The following PIN4 variants were observed in gnomAD, a reference collection of about 807,000 sequenced individuals.
PIN4 encodes peptidyl-prolyl cis-trans isomerase NIMA-interacting 4.
PIN4 carries 3 observed loss-of-function variants against 8.3 expected under a neutral mutation model. The observed-to-expected ratio is 0.36, with a 90% CI of 0.16 to 0.93. The LOEUF is 0.93. PIN4 is among the 40% of genes least tolerant of loss of function. The probability of loss-of-function intolerance (pLI) is 0.44; values close to 1 mark genes in which losing one functional copy is unlikely to be tolerated. For synonymous variants in PIN4, 18 were observed against 32.5 expected, an observed-to-expected ratio of 0.55 and a Z score of 1.52; for missense variants, 75 against 100.6, an observed-to-expected ratio of 0.75 and a Z score of 1.09.
At chrX:72,226,533 C>T (rs929429645) in intron 3 of PIN4, among the ~76,000 whole-genome samples, 60 of 112,206 alleles carry the variant, frequency 5.3e-4, no homozygotes, top group African/African-American at 1.5e-3. Flanking sequence ...GGCTATGTCA[C>T]GGCTAAGGGA....
At chrX:72,232,927 A>AC (rs1199442366) in intron 3 of PIN4, among the ~76,000 whole-genome samples, 1 of 109,797 alleles carries the variant, frequency 9.1e-6, no homozygotes, top group Non-Finnish European at 1.9e-5. Flanking sequence ...ACATAGGGAG[A>AC]CCCCATCTCT....
Position 72,198,007 on chromosome X carries a change from T to C in PIN4, c.*481T>C. ...CCAGGACAGGTGGTATTAGCTCCAC[T>C]GTCTTAACATAGTACGTGGCACGTT... is the stretch of plus-strand genomic sequence containing the variant. On this transcript the variant is annotated 3_prime_UTR_variant, in exon 4 of 4. Transcript: ENST00000373669. 1.3e-6 allele frequency: 1 copy of C among 747,190 alleles called. No homozygotes were observed. Among genetic ancestry groups the C allele is most frequent in the Non-Finnish European group, 1.6e-6 (1 of 631,685 alleles). 61.6% of individuals were successfully genotyped at this position (747,190 alleles called of 1,213,427 possible). A position where few individuals can be genotyped will look rare whatever the true frequency, so the allele number is the denominator to read the frequency against.
intron 3 of PIN4, among the ~76,000 whole-genome samples, chrX:72,254,171 C>T (rs1471684200): frequency 1.8e-5 from 2 of 111,370 alleles, no homozygotes; most frequent in Non-Finnish European, 3.8e-5. Context: ...CAAATCTCAC[C>T]CTTTTTCTTC....
At chrX:72,251,797 T>C (rs2043088598) in intron 3 of PIN4, among the ~76,000 whole-genome samples, 1 of 110,649 alleles carries the variant, frequency 9.0e-6, no homozygotes, top group East Asian at 2.8e-4. Flanking sequence ...CTCATGCCTG[T>C]AATCTCAGCA....
chrX:72,217,581 T>G (rs2042893456), intron 3 of PIN4, among the ~76,000 whole-genome samples: 1 of 112,008 alleles, frequency 8.9e-6, no homozygotes, highest in African/African-American at 3.2e-5. Context: ...TTTTATACAT[T>G]TTATTTATGC....
At chrX:72,257,176 C>T (rs1023150780) in intron 3 of PIN4, among the ~76,000 whole-genome samples, 1 of 111,093 alleles carries the variant, frequency 9.0e-6, no homozygotes, top group Non-Finnish European at 1.9e-5. Flanking sequence ...AAAAAATTAG[C>T]CGGGCGTGGT....
chrX:72,203,953 ATG>A (rs61156944), intron 3 of PIN4, among the ~76,000 whole-genome samples: 2,701 of 112,044 alleles, frequency 0.024, 92 homozygotes, highest in African/African-American at 0.083. Context: ...CTGTGATAAT[ATG>A]TGTCAGAATA....
At chrX:72,209,872 G>C (rs983853281) in intron 3 of PIN4, among the ~76,000 whole-genome samples, 2 of 111,223 alleles carry the variant, frequency 1.8e-5, no homozygotes, top group African/African-American at 6.5e-5. Context: ...TTTTCAACTG[G>C]ATATCCATGT....
intron 3 of PIN4, among the ~76,000 whole-genome samples, chrX:72,238,676 G>A (rs1362842254): frequency 8.9e-6 from 1 of 112,777 alleles, no homozygotes; most frequent in Admixed American, 9.3e-5. Context: ...TAGAAATCTG[G>A]TCAAACATCC....
chrX:72,210,783 C>T (rs1374540141), intron 3 of PIN4, among the ~76,000 whole-genome samples: 7 of 111,747 alleles, frequency 6.3e-5, no homozygotes, highest in East Asian at 5.6e-4. Flanking sequence ...TGAACCACAA[C>T]GAGAGTTTAC....
In PIN4 at chrX:72,197,445, G is replaced by A; in HGVS notation, c.315G>A (p.Gly105=). The A allele has an allele frequency of 8.3e-7, 1 of 1,207,307 alleles. No individual in the cohort carries two copies. The highest frequency in any genetic ancestry group is 1.1e-6 in the Non-Finnish European group (1 of 891,572). ...CAGCATTTGCCTTGCCTGTAAGTGG[G>A]ATGGATAAGCCTGTGTTTACAGACC... ...QEAAFALPVS[G]MDKPVFTDPP... is the part of the protein sequence containing the mutation. Residue 105 remains glycine, a synonymous_variant, in exon 4 of 4, where the codon GGG becomes GGA. Transcript: ENST00000373669.
At chrX:72,262,604 T>C in intron 3 of PIN4, 1 of 476,476 alleles carries the variant, frequency 2.1e-6, no homozygotes. Flanking sequence ...GCTCAACTCT[T>C]GTCAAGACCC....
At chrX:72,217,149 T>G (rs910763939) in intron 3 of PIN4, among the ~76,000 whole-genome samples, 4 of 111,986 alleles carry the variant, frequency 3.6e-5, no homozygotes, top group Non-Finnish European at 5.6e-5. Context: ...GGAGGATGCT[T>G]CCTTCCTGTT....
In PIN4 at chrX:72,197,944, GACA is replaced by G. The variant is rs1221234465; in HGVS notation, c.*422_*424del. 5.3e-6 allele frequency: 4 copies of G among 754,610 alleles called. No individual in the cohort carries two copies. Among genetic ancestry groups the G allele is most frequent in the Non-Finnish European group, 6.3e-6 (4 of 638,284 alleles). The allele number at this position is 754,610 out of a possible 1,213,427, so 62.2% of individuals were successfully genotyped here. A position where few individuals can be genotyped will look rare whatever the true frequency, so the allele number is the denominator to read the frequency against. The stretch of plus-strand genomic sequence containing the variant: ...GTGAGAATCATAAAATAAGTTCCTA[GACA>G]ACATTTGTTTTACATGTTAGTCAAC... On this transcript the variant is annotated 3_prime_UTR_variant, in exon 4 of 4. Coordinates refer to ENST00000373669, the MANE Select transcript of PIN4 (RefSeq NM_006223.4).
intron 3 of PIN4, among the ~76,000 whole-genome samples, chrX:72,250,835 G>A (rs1374226082): frequency 9.6e-6 from 1 of 104,384 alleles, no homozygotes; most frequent in Non-Finnish European, 2.0e-5. Flanking sequence ...CACCTCCAGG[G>A]TTCAAGCAAT....
intron 3 of PIN4, among the ~76,000 whole-genome samples, chrX:72,250,149 C>T (rs749572576): frequency 3.0e-4 from 33 of 109,248 alleles, no homozygotes; most frequent in Admixed American, 5.0e-4. Context: ...CAGAGGTAGG[C>T]AAGTGGGGAT....
At chrX:72,239,063 A>T (rs968216829) in intron 3 of PIN4, 11 of 543,758 alleles carry the variant, frequency 2.0e-5, no homozygotes, top group Admixed American at 7.1e-5. Context: ...CAGCCAACCG[A>T]CGGCCTCGCG....
chrX:72,214,898 A>C (rs1374214070), intron 3 of PIN4, among the ~76,000 whole-genome samples: 1 of 109,648 alleles, frequency 9.1e-6, no homozygotes, highest in Non-Finnish European at 1.9e-5. Flanking sequence ...GAGGCAGGAA[A>C]ATCGCTTGAA....
chrX:72,205,221 A>C (rs2042810271), intron 3 of PIN4: 1 of 1,210,015 alleles, frequency 8.3e-7, no homozygotes, highest in Non-Finnish European at 1.1e-6. Flanking sequence ...CCAACTGTTC[A>C]CCAGACAAAG....
Sources: gnomAD v4.1 joint callset for allele counts (sites outside exome capture counted in the v4.1 genomes callset) on GRCh38, gnomAD v4.1.1 for gene constraint, MANE v1.5 for transcripts, NCBI Gene and HGNC (gene_info 2026-07-23, HGNC 2026-07-21) for gene names.